ATP8A1: variants seen among roughly 807,000 people sequenced by gnomAD.
The protein encoded by ATP8A1 is ATPase phospholipid transporting 8A1.
ATP8A1 carries 90 observed loss-of-function variants against 177.7 expected under a neutral mutation model. That is an observed-to-expected ratio of 0.51 (90% CI 0.43 to 0.60). ATP8A1 has a LOEUF of 0.60. Among genes scored for constraint, ATP8A1 ranks in the 20% least tolerant of loss-of-function variants. The pLI, the probability that ATP8A1 is intolerant of heterozygous loss-of-function variation, is 0.00. For synonymous variants in ATP8A1, 493 were observed against 485.9 expected (o/e 1.01, Z -0.19); for missense variants, 1,072 against 1,392.8 (o/e 0.77, Z 3.67).
intron 9 of ATP8A1, among the ~76,000 whole-genome samples, chr4:42,582,876 G>C (rs1399875074): frequency 6.6e-6 from 1 of 152,044 alleles, no homozygotes. Context: ...AAGGAACAAA[G>C]CCACCACAAT....
At chr4:42,641,911 A>G (rs774000101) in intron 1 of ATP8A1, among the ~76,000 whole-genome samples, 11 of 152,198 alleles carry the variant, frequency 7.2e-5, no homozygotes, top group Non-Finnish European at 1.3e-4. Context: ...TAATCTCAGA[A>G]TGAGTCAGTG....
chr4:42,550,291 T>C (rs1729374350), intron 18 of ATP8A1, among the ~76,000 whole-genome samples: 1 of 152,174 alleles, frequency 6.6e-6, no homozygotes, highest in African/African-American at 2.4e-5. Flanking sequence ...TCATTCTTTT[T>C]TATTGTTTAG....
In ATP8A1 at chr4:42,470,675, GAAGGTAAATCTAGA is replaced by G. The variant is rs1455809112; in HGVS notation, c.2325-5613_2325-5600del. 2.0e-5 allele frequency among the ~76,000 whole-genome samples: 3 copies of G among 152,122 alleles called. No homozygotes were observed. The East Asian group carries it at 5.8e-4, about 29-fold the overall frequency. ...AAAAATTACTATGAAGTTGCCTTTA[GAAGGTAAATCTAGA>G]AAACTTTTTAGAAGAATATGAAGGA... On this transcript the variant is annotated intron_variant, in intron 25 of 36. Transcript: ENST00000381668.
At chr4:42,600,411 A>G (rs917370742) in intron 6 of ATP8A1, 67 bp downstream of exon 6, 17 of 1,294,184 alleles carry the variant, frequency 1.3e-5, no homozygotes, top group Non-Finnish European at 1.5e-5. Flanking sequence ...TATACAAAAA[A>G]TTATATATAC....
chr4:42,577,397 T>G (rs1364331344), intron 12 of ATP8A1, among the ~76,000 whole-genome samples: 1 of 152,152 alleles, frequency 6.6e-6, no homozygotes, highest in Non-Finnish European at 1.5e-5. Flanking sequence ...AGATTGACAG[T>G]TTAGGTAGAT....
intron 5 of ATP8A1, among the ~76,000 whole-genome samples, chr4:42,603,077 TAA>T (rs927975849): frequency 7.9e-5 from 12 of 152,114 alleles, no homozygotes; most frequent in South Asian, 2.1e-4. Context: ...AAAAAAACTA[TAA>T]GTGTCCAATA....
chr4:42,433,700 C>T (rs1235354304), intron 33 of ATP8A1, among the ~76,000 whole-genome samples: 1 of 152,088 alleles, frequency 6.6e-6, no homozygotes, highest in African/African-American at 2.4e-5. Context: ...TACCAGCTCA[C>T]AGCATTTATG....
intron 22 of ATP8A1, among the ~76,000 whole-genome samples, chr4:42,517,499 T>C (rs935825463): frequency 2.0e-5 from 3 of 152,180 alleles, no homozygotes; most frequent in African/African-American, 7.2e-5. Flanking sequence ...GAGGTGTTAC[T>C]GTCCACAATG....
chr4:42,596,086 C>T (rs1734688399), intron 6 of ATP8A1, among the ~76,000 whole-genome samples: 1 of 152,200 alleles, frequency 6.6e-6, no homozygotes, highest in Non-Finnish European at 1.5e-5. Context: ...AAACACCTGT[C>T]TTTCCTTTTG....
In ATP8A1 at chr4:42,619,438, C is replaced by A. The variant is rs909242920; in HGVS notation, c.364-3360G>T. On this transcript the variant is annotated intron_variant, in intron 4 of 36. Transcript: ENST00000381668. ...AGCTTTTTAGAAGAGAGTTCTCCATCAATTTTAGAGTATTTCCAAGTATGT... is the reference window on the plus strand; with the variant it reads ...AGCTTTTTAGAAGAGAGTTCTCCATAAATTTTAGAGTATTTCCAAGTATGT... 2.0e-5 allele frequency among the ~76,000 whole-genome samples: 3 copies of A among 152,140 alleles called. No homozygotes were observed. The East Asian group carries it at 5.8e-4, about 29-fold the overall frequency.
At chr4:42,540,184 T>C (rs1217596763) in intron 20 of ATP8A1, among the ~76,000 whole-genome samples, 3 of 151,836 alleles carry the variant, frequency 2.0e-5, no homozygotes. Flanking sequence ...ATGAAAAAAA[T>C]GCTCAACATC....
At chr4:42,527,660 G>T (rs1726817306) in intron 20 of ATP8A1, among the ~76,000 whole-genome samples, 1 of 152,078 alleles carries the variant, frequency 6.6e-6, no homozygotes, top group African/African-American at 2.4e-5. Flanking sequence ...CCCTAGACGT[G>T]AGGATGAGAG....
At chr4:42,530,645 C>T (rs899529439) in intron 20 of ATP8A1, among the ~76,000 whole-genome samples, 2 of 152,204 alleles carry the variant, frequency 1.3e-5, no homozygotes, top group African/African-American at 4.8e-5. Flanking sequence ...TACCATGTTC[C>T]CATCATCCTG....
chr4:42,649,226 T>C (rs1259290883), intron 1 of ATP8A1, among the ~76,000 whole-genome samples: 1 of 152,126 alleles, frequency 6.6e-6, no homozygotes, highest in Non-Finnish European at 1.5e-5. Context: ...GATCTGTTCA[T>C]TCAACAAAAA....
chr4:42,517,538 A>C (rs1461021841), intron 22 of ATP8A1, among the ~76,000 whole-genome samples: 2 of 152,206 alleles, frequency 1.3e-5, no homozygotes, highest in Non-Finnish European at 2.9e-5. Context: ...TTCTTCGCAA[A>C]GTGAGTCAAG....
intron 30 of ATP8A1, among the ~76,000 whole-genome samples, chr4:42,449,232 T>C (rs780456068): frequency 1.2e-4 from 19 of 152,246 alleles, no homozygotes; most frequent in Non-Finnish European, 2.1e-4. Context: ...CACTGCACTT[T>C]GGTATGCAGA....
In ATP8A1 at chr4:42,586,368, T is replaced by C; in HGVS notation, c.703A>G (p.Ile235Val). 8 of 1,614,092 alleles carry C rather than the reference T, an allele frequency of 5.0e-6. No homozygotes were observed. Among genetic ancestry groups the C allele is most frequent in the Non-Finnish European group, 6.8e-6 (8 of 1,179,994 alleles). The change falls in exon 9 of 37, where the codon ATA (isoleucine) becomes GTA (valine). Residue 235 changes from isoleucine to valine, a missense_variant. By Grantham distance (29) the Ile-to-Val change is conservative (BLOSUM62 3). This residue lies in a region of ATP8A1 where 344 missense variants were observed against 393.5 expected (regional missense o/e 0.87). Coordinates refer to ENST00000381668, the MANE Select transcript of ATP8A1 (RefSeq NM_006095.2). ...ACATACCCATGTCCATCAAGCCTTA[T>C]GTTTCCAACAAAATCGTAGAGATGT... Reference protein sequence around the residue: ...NRHLYDFVGNIRLDGHGTVPL... With the variant: ...NRHLYDFVGNVRLDGHGTVPL...
At chr4:42,631,106 G>A (rs928950396) in intron 1 of ATP8A1, among the ~76,000 whole-genome samples, 5 of 152,128 alleles carry the variant, frequency 3.3e-5, no homozygotes, top group Non-Finnish European at 5.9e-5. Context: ...AATGGGAGGC[G>A]GCTTCTGGGT....
At chr4:42,414,973 A>T in intron 35 of ATP8A1, 2 of 452,314 alleles carry the variant, frequency 4.4e-6, no homozygotes, top group Non-Finnish European at 8.0e-6. Flanking sequence ...GGATCTCCTC[A>T]CCACCCCCCA....
Sources: allele counts gnomAD v4.1 joint callset (sites outside exome capture counted in the v4.1 genomes callset), GRCh38; gene constraint gnomAD v4.1.1; regional missense constraint gnomAD v4.1.1; transcripts MANE v1.5; gene names NCBI Gene and HGNC (gene_info 2026-07-23, HGNC 2026-07-21).